PHF14: variants seen among roughly 807,000 people sequenced by gnomAD.
The protein encoded by PHF14 is PHD finger protein 14.
PHF14 carries 55 observed loss-of-function variants against 117.9 expected under a neutral mutation model. The ratio of observed to expected loss-of-function variants is 0.47; its 90% CI spans 0.38 to 0.58. The LOEUF is 0.58. Among genes scored for constraint, PHF14 ranks in the 20% least tolerant of loss-of-function variants. The pLI, the probability that PHF14 is intolerant of heterozygous loss-of-function variation, is 0.00. For missense variants in PHF14, 978 were observed against 1,122.2 expected (o/e 0.87, Z 1.84); for synonymous variants, 409 against 368.6 (o/e 1.11, Z -1.26).
intron 13 of PHF14, 35 bp downstream of exon 13, chr7:11,042,849 T>A (rs1359938138): frequency 7.0e-7 from 1 of 1,425,206 alleles, no homozygotes; most frequent in East Asian, 2.4e-5. Context: ...ATGTTTGAAT[T>A]GATTTACTCT....
Position 11,047,753 on chromosome 7 carries a change from TCCAATCTG to T in PHF14, c.2313-3858_2313-3851del, listed in dbSNP as rs1784719291. On this transcript the variant is annotated intron_variant, in intron 13 of 17. Transcript: ENST00000634607. ...ATGAGCTGAGATTGCGCCAGTGCTCTCCAATCTGGGTGACAGAGTGAGACTCTGTCTCA... is the reference window on the plus strand; with the variant it reads ...ATGAGCTGAGATTGCGCCAGTGCTCTGGTGACAGAGTGAGACTCTGTCTCA... 3.5e-5 allele frequency among the ~76,000 whole-genome samples: 5 copies of T among 144,708 alleles called. No homozygotes were observed. The Admixed American group carries it at 3.6e-4, about 11-fold the overall frequency. 94.9% of individuals were successfully genotyped at this position (144,708 alleles called of 152,430 possible). A position where few individuals can be genotyped will look rare whatever the true frequency, so the allele number is the denominator to read the frequency against.
chr7:11,118,995 A>G lies in PHF14; in HGVS notation c.2772+7528A>G, dbSNP rs146691780. Reference sequence around the variant, plus strand: ...CCATCTTTCACTATATTGATAATTTACAAAATTGAAAAACTAAGCCACTTT... The same window carrying G: ...CCATCTTTCACTATATTGATAATTTGCAAAATTGAAAAACTAAGCCACTTT... On this transcript the variant is annotated intron_variant, in intron 17 of 17. Coordinates refer to ENST00000634607, the MANE Select transcript of PHF14 (RefSeq NM_001007157.2). Among the ~76,000 whole-genome samples the G allele has an allele frequency of 5.4e-3, 824 of 152,006 alleles. 5 individuals are homozygous for G. Among genetic ancestry groups the G allele is most frequent in the African/African-American group, 0.019 (783 of 41,546 alleles).
At chr7:11,076,157 G>C (rs1289772648) in intron 16 of PHF14, among the ~76,000 whole-genome samples, 1 of 152,144 alleles carries the variant, frequency 6.6e-6, no homozygotes, top group African/African-American at 2.4e-5. Context: ...TGTTGGAACT[G>C]AGATTCAGAG....
intron 17 of PHF14, 53 bp from the exon 18 acceptor site, chr7:11,169,363 T>C: frequency 1.2e-6 from 1 of 817,296 alleles, no homozygotes; most frequent in Non-Finnish European, 1.9e-6. Flanking sequence ...CAAGTATAGC[T>C]GATAAATGCT....
chr7:11,045,063 C>T (rs552060692), intron 13 of PHF14, among the ~76,000 whole-genome samples: 32 of 152,230 alleles, frequency 2.1e-4, no homozygotes, highest in African/African-American at 7.0e-4. Context: ...ACCCTTTTCC[C>T]CATCCTACAT....
chr7:11,149,668 T>C (rs1295205287), intron 17 of PHF14, among the ~76,000 whole-genome samples: 3 of 152,140 alleles, frequency 2.0e-5, no homozygotes, highest in African/African-American at 7.2e-5. Context: ...TTTAGGGAGA[T>C]AAATAAAAGA....
In PHF14 at chr7:11,134,185, G is replaced by T. The variant is rs141218789; in HGVS notation, c.2772+22718G>T. Among the ~76,000 whole-genome samples the T allele has an allele frequency of 5.5e-4, 84 of 152,010 alleles. 1 individual carries two copies. In the East Asian group the frequency reaches 0.016, roughly 28 times the overall value. ...AAATGATGAACTTTACAGTAGGCTT[G>T]TAGAATCTAACTTGCTTAGAAACTG... On this transcript the variant is annotated intron_variant, in intron 17 of 17. Transcript: ENST00000634607.
At chr7:11,111,854 G>T (rs1787457806) in intron 17 of PHF14, among the ~76,000 whole-genome samples, 1 of 150,716 alleles carries the variant, frequency 6.6e-6, no homozygotes, top group Non-Finnish European at 1.5e-5. Flanking sequence ...GAATTTTATA[G>T]ATGTTTTATT....
chr7:11,157,378 C>G (rs1024616051), intron 17 of PHF14, among the ~76,000 whole-genome samples: 1 of 118,314 alleles, frequency 8.5e-6, no homozygotes, highest in African/African-American at 4.0e-5. Flanking sequence ...TAAAGTCTGT[C>G]AATGGGTTAC....
At chr7:11,010,818 C>T (rs1380091573) in intron 4 of PHF14, among the ~76,000 whole-genome samples, 1 of 151,976 alleles carries the variant, frequency 6.6e-6, no homozygotes, top group Non-Finnish European at 1.5e-5. Flanking sequence ...CTTGGCTAAA[C>T]TCTTTTTTGT....
intron 14 of PHF14, among the ~76,000 whole-genome samples, chr7:11,053,507 A>G (rs1447802197): frequency 1.3e-5 from 2 of 152,148 alleles, no homozygotes; most frequent in East Asian, 3.9e-4. Context: ...TATTTTCTAT[A>G]ATTGTTTGAA....
At chr7:11,022,674 C>T (rs564079675) in intron 5 of PHF14, among the ~76,000 whole-genome samples, 194 bp from the exon 6 acceptor site, 1 of 152,062 alleles carries the variant, frequency 6.6e-6, no homozygotes, top group Admixed American at 6.5e-5. Flanking sequence ...TTTCAGTCCC[C>T]TTTTTTGTAA....
At chr7:11,163,338 C>T (rs1789105164) in intron 17 of PHF14, among the ~76,000 whole-genome samples, 1 of 152,076 alleles carries the variant, frequency 6.6e-6, no homozygotes, top group African/African-American at 2.4e-5. Context: ...CTTGTAAGTT[C>T]ATTTCAGTAT....
chr7:11,151,699 CCCAGGAGTCATGCATGGCCCTAGCTCTGT>C (rs1788706331), intron 17 of PHF14, among the ~76,000 whole-genome samples: 3 of 152,102 alleles, frequency 2.0e-5, no homozygotes, highest in Non-Finnish European at 4.4e-5. Flanking sequence ...TCCCAAGACC[CCCAGGAGTCATGCATGGCCCTAGCTCTGT>C]AGAGGCTTGT....
intron 16 of PHF14, chr7:11,107,322 C>T: frequency 4.2e-6 from 4 of 943,694 alleles, no homozygotes; most frequent in Non-Finnish European, 5.0e-6. Context: ...TAATCATATA[C>T]TAAGTAAGTA....
At chr7:11,106,386 T>G in intron 16 of PHF14, 1 of 972,804 alleles carries the variant, frequency 1.0e-6, no homozygotes, top group Non-Finnish European at 1.2e-6. Flanking sequence ...TAGTCTTATA[T>G]TTGTGAAATG....
At chr7:11,141,963 A>C (rs1277906357) in intron 17 of PHF14, among the ~76,000 whole-genome samples, 3 of 152,072 alleles carry the variant, frequency 2.0e-5, no homozygotes, top group Non-Finnish European at 4.4e-5. Flanking sequence ...GTATTTACCT[A>C]GAAAATTTCA....
intron 17 of PHF14, among the ~76,000 whole-genome samples, chr7:11,152,641 G>A (rs971218139): frequency 4.6e-5 from 7 of 150,984 alleles, no homozygotes; most frequent in African/African-American, 1.7e-4. Flanking sequence ...TAACTTATAA[G>A]GATATCGTAA....
At chr7:11,009,716 C>T (rs10248811) in intron 4 of PHF14, among the ~76,000 whole-genome samples, 2,029 of 152,170 alleles carry the variant, frequency 0.013, 41 homozygotes, top group African/African-American at 0.046. Flanking sequence ...GTAAAAGTGG[C>T]AAGTAAAGAA....
Sources: allele counts gnomAD v4.1 joint callset (sites outside exome capture counted in the v4.1 genomes callset), GRCh38; gene constraint gnomAD v4.1.1; transcripts MANE v1.5; gene names NCBI Gene and HGNC (gene_info 2026-07-23, HGNC 2026-07-21).